The following PEX13 variants were observed in gnomAD, a reference collection of about 807,000 sequenced individuals.
The protein encoded by PEX13 is peroxisome biogenesis factor 13.
PEX13 carries 28 observed loss-of-function variants against 34.5 expected under a neutral mutation model. The ratio of observed to expected loss-of-function variants is 0.81; its 90% CI spans 0.60 to 1.11. The LOEUF is 1.11. PEX13 is among the 50% of genes most tolerant of loss of function. PEX13 has a pLI of 0.00. For missense variants in PEX13, 550 were observed against 491.0 expected (o/e 1.12, Z -1.13); for synonymous variants, 177 against 175.1 (o/e 1.01, Z -0.09).
intron 2 of PEX13, among the ~76,000 whole-genome samples, chr2:61,038,406 C>T (rs986629436): frequency 6.6e-6 from 1 of 152,214 alleles, no homozygotes; most frequent in African/African-American, 2.4e-5. Context: ...GCTTATCCAC[C>T]ATGATCAAGT....
At chr2:61,022,715 A>C (rs1680284632) in intron 1 of PEX13, among the ~76,000 whole-genome samples, 1 of 152,130 alleles carries the variant, frequency 6.6e-6, no homozygotes, top group South Asian at 2.1e-4. Flanking sequence ...AAAAATTTTA[A>C]AATTGGCCAG....
chr2:61,018,846 C>T (rs1680178681), intron 1 of PEX13: 1 of 152,164 alleles, frequency 6.6e-6, no homozygotes, highest in Non-Finnish European at 1.5e-5. Flanking sequence ...CTTTTTTCCC[C>T]ATTTAGGCTG....
chr2:61,018,741 T>C (rs1425872419), intron 1 of PEX13: 1 of 153,054 alleles, frequency 6.5e-6, no homozygotes, highest in Non-Finnish European at 1.5e-5. Context: ...CAGTAACGAC[T>C]TAGTTTAATA....
chr2:61,041,427 C>G (rs1680624634), intron 2 of PEX13, among the ~76,000 whole-genome samples: 1 of 152,082 alleles, frequency 6.6e-6, no homozygotes, highest in African/African-American at 2.4e-5. Context: ...TCAGGAAGAA[C>G]AGAAGTAGAA....
At chr2:61,018,226 G>A in intron 1 of PEX13, 2 of 1,551,022 alleles carry the variant, frequency 1.3e-6, no homozygotes, top group Non-Finnish European at 1.7e-6. Flanking sequence ...CATTTGTCCA[G>A]CCACGGCATC....
chr2:61,042,018 C>G (rs1199665765), intron 2 of PEX13, among the ~76,000 whole-genome samples: 1 of 152,166 alleles, frequency 6.6e-6, no homozygotes, highest in Admixed American at 6.5e-5. Context: ...CAGGGGTTGG[C>G]AAACCGTGGC....
At chr2:61,030,385 G>A (rs1680431174) in intron 1 of PEX13, among the ~76,000 whole-genome samples, 2 of 152,054 alleles carry the variant, frequency 1.3e-5, no homozygotes, top group South Asian at 4.1e-4. Context: ...CAACACTCTG[G>A]TTTCTTATTT....
chr2:61,040,877 T>C (rs1036556907), intron 2 of PEX13, among the ~76,000 whole-genome samples: 5 of 148,234 alleles, frequency 3.4e-5, no homozygotes, highest in Non-Finnish European at 7.4e-5. Flanking sequence ...ATAAAAAAGG[T>C]ATATATATAT....
intron 1 of PEX13, among the ~76,000 whole-genome samples, chr2:61,027,532 G>A (rs1680380177): frequency 6.6e-6 from 1 of 152,140 alleles, no homozygotes; most frequent in African/African-American, 2.4e-5. Flanking sequence ...CTTTGTAGGA[G>A]TCAAGGTGGC....
chr2:61,051,192 T>G lies in PEX13; in HGVS notation c.*2422T>G, dbSNP rs958254103. ...GGTATTAGCCTTGAAGTTGAAGAGA[T>G]AAGGTTTCTTGTATATTATTTTTCA... On this transcript the variant is annotated 3_prime_UTR_variant, in exon 4 of 4. Coordinates refer to ENST00000295030, the MANE Select transcript of PEX13 (RefSeq NM_002618.4). The G allele has an allele frequency of 2.6e-5, 4 of 152,302 alleles. No individual in the cohort carries two copies. The highest frequency in any genetic ancestry group is 6.5e-5 in the Admixed American group (1 of 15,284). 9.4% of individuals were successfully genotyped at this position (152,302 alleles called of 1,614,324 possible).
intron 3 of PEX13, among the ~76,000 whole-genome samples, chr2:61,047,782 T>C (rs1680727173): frequency 6.6e-6 from 1 of 152,342 alleles, no homozygotes; most frequent in East Asian, 1.9e-4. Context: ...AAAAGTCTTA[T>C]ATTGTGCCTA....
intron 1 of PEX13, among the ~76,000 whole-genome samples, chr2:61,019,824 T>C (rs1680218680): frequency 6.6e-6 from 1 of 152,220 alleles, no homozygotes; most frequent in Non-Finnish European, 1.5e-5. Flanking sequence ...GTAATTGCGC[T>C]CTTTACACTT....
At chr2:61,023,829 C>G in intron 1 of PEX13, among the ~76,000 whole-genome samples, 1 of 149,520 alleles carries the variant, frequency 6.7e-6, no homozygotes, top group African/African-American at 2.5e-5. Flanking sequence ...ATAAGTTTCA[C>G]TCTGTCACCA....
At chr2:61,048,400 A>G (rs1265843152) in intron 3 of PEX13, 72 bp from the exon 4 acceptor site, 5 of 1,252,944 alleles carry the variant, frequency 4.0e-6, no homozygotes, top group Non-Finnish European at 5.8e-6. Flanking sequence ...TGAATGTGAT[A>G]TTTTACCATT....
At chr2:61,023,556 G>T (rs1680301106) in intron 1 of PEX13, among the ~76,000 whole-genome samples, 1 of 151,772 alleles carries the variant, frequency 6.6e-6, no homozygotes, top group African/African-American at 2.4e-5. Flanking sequence ...TTGAACACTA[G>T]TCTTTACTGT....
chr2:61,018,065 G>GT (rs1479895040), intron 1 of PEX13: 3 of 1,499,554 alleles, frequency 2.0e-6, no homozygotes, highest in South Asian at 1.3e-5. Context: ...AATCAGCAAC[G>GT]TTTTTTTCGG....
intron 1 of PEX13, chr2:61,018,208 G>A: frequency 1.9e-6 from 3 of 1,551,014 alleles, no homozygotes; most frequent in Non-Finnish European, 2.6e-6. Flanking sequence ...TGTAGCAGTT[G>A]AGAGCGGCAT....
intron 1 of PEX13, among the ~76,000 whole-genome samples, chr2:61,028,863 G>A (rs1024728606): frequency 6.6e-6 from 1 of 152,086 alleles, no homozygotes; most frequent in East Asian, 1.9e-4. Flanking sequence ...TTTGACTCAT[G>A]TAGCACAATA....
chr2:61,038,125 C>T (rs987002482), intron 2 of PEX13, among the ~76,000 whole-genome samples: 6 of 152,116 alleles, frequency 3.9e-5, no homozygotes, highest in Non-Finnish European at 8.8e-5. Context: ...AACCTACCAA[C>T]CAAAAAAAGT....
Sources: allele counts gnomAD v4.1 joint callset (sites outside exome capture counted in the v4.1 genomes callset), GRCh38; gene constraint gnomAD v4.1.1; transcripts MANE v1.5; gene names NCBI Gene and HGNC (gene_info 2026-07-23, HGNC 2026-07-21).